TP73: variants seen among roughly 807,000 people sequenced by gnomAD.
TP73 encodes the protein p53-like transcription factor.
In TP73, 25 loss-of-function variants were observed where a neutral mutation model predicts 62.5. The ratio of observed to expected loss-of-function variants is 0.40; its 90% CI spans 0.29 to 0.56. The LOEUF is 0.56. TP73 is among the 20% of genes least tolerant of loss of function. The pLI is 0.46. For synonymous variants in TP73, 423 were observed against 377.5 expected, an observed-to-expected ratio of 1.12 and a Z score of -1.40; for missense variants, 754 against 913.3, an observed-to-expected ratio of 0.83 and a Z score of 2.25.
At chr1:3,723,305 GGGTGGGCACCTCTATGCACCTCT>G (rs1641250354) in intron 5 of TP73, 26 bp from the exon 6 acceptor site, 1 of 1,480,434 alleles carries the variant, frequency 6.8e-7, no homozygotes, top group Non-Finnish European at 9.4e-7. Context: ...CCTAGCACAG[GGGTGGGCACCTCTATGCACCTCT>G]CTGAAGTGTC....
intron 3 of TP73, among the ~76,000 whole-genome samples, chr1:3,693,256 A>G (rs1638232148): frequency 6.6e-6 from 1 of 152,170 alleles, no homozygotes; most frequent in Admixed American, 6.5e-5. Flanking sequence ...TGAGAGAGAA[A>G]GTGGTATTTG....
chr1:3,713,362 A>G (rs1161173348), intron 4 of TP73, among the ~76,000 whole-genome samples: 1 of 152,132 alleles, frequency 6.6e-6, no homozygotes. Flanking sequence ...CCTCACTGCC[A>G]CTAACTCCCG....
At chr1:3,729,504 C>CA in intron 10 of TP73, 56 bp downstream of exon 10, 1 of 1,609,100 alleles carries the variant, frequency 6.2e-7, no homozygotes, top group East Asian at 2.2e-5. Flanking sequence ...GCTTAACCCC[C>CA]CAGGAGAAGG....
rs1432741682 is a variant in TP73 at position 3,734,960 on chromosome 1, A to G, written c.*1881A>G. 1 of 152,170 alleles carries G rather than the reference A, an allele frequency of 6.6e-6. No homozygotes were observed. Among genetic ancestry groups the G allele is most frequent in the African/African-American group, 2.4e-5 (1 of 41,384 alleles). The allele number at this position is 152,170 out of a possible 1,614,324, so 9.4% of individuals were successfully genotyped here. ...CTGGCCGCTTAGCTTCTAGGGTTCC[A>G]TCTCCCTAGAAAGGTGCCCACGCCC... On this transcript the variant is annotated 3_prime_UTR_variant, in exon 14 of 14. Coordinates refer to ENST00000378295, the MANE Select transcript of TP73 (RefSeq NM_005427.4). The surrounding 1 kb of genome is among the most constrained non-coding windows in gnomAD (Gnocchi z 4.4).
chr1:3,695,521 ACCCCTGTGCTGAGGAG>A (rs1404937190), intron 3 of TP73, among the ~76,000 whole-genome samples: 4 of 152,072 alleles, frequency 2.6e-5, no homozygotes, highest in African/African-American at 9.7e-5. Context: ...GAACGTGGCC[ACCCCTGTGCTGAGGAG>A]CAGCACGGAC....
intron 12 of TP73, 80 bp downstream of exon 12, chr1:3,731,145 C>G: frequency 6.5e-7 from 1 of 1,536,536 alleles, no homozygotes. Flanking sequence ...GTCAGCTGCC[C>G]TGCCCCACCC....
At chr1:3,723,531 G>GCCCCCCC in intron 6 of TP73, 62 bp downstream of exon 6, 1 of 745,552 alleles carries the variant, frequency 1.3e-6, no homozygotes, top group Non-Finnish European at 2.4e-6. Context: ...CGGGGGAGGG[G>GCCCCCCC]TCCCCTGAGG....
Position 3,675,006 on chromosome 1 carries a change from GC to G in TP73, c.-33-7324del, listed in dbSNP as rs567898511. On this transcript the variant is annotated intron_variant, in intron 1 of 13. Coordinates refer to ENST00000378295, the MANE Select transcript of TP73 (RefSeq NM_005427.4). Reference sequence around the variant, plus strand: ...ATTGAGACGGTCTCCTCCCACAATGGCCCAGGTGTCTCCTCCCACAATGGCC... The same window carrying G: ...ATTGAGACGGTCTCCTCCCACAATGGCCAGGTGTCTCCTCCCACAATGGCC... 3.1e-3 allele frequency among the ~76,000 whole-genome samples: 463 copies of G among 151,632 alleles called. 3 individuals are homozygous for G. The highest frequency in any genetic ancestry group is 0.011 in the African/African-American group (439 of 41,310).
intron 4 of TP73, among the ~76,000 whole-genome samples, chr1:3,709,978 G>T (rs1639995166): frequency 6.6e-6 from 1 of 152,288 alleles, no homozygotes; most frequent in Admixed American, 6.5e-5. Flanking sequence ...CCCCCTGCCA[G>T]GTGTGTGGCA....
chr1:3,700,351 C>T (rs1464446628), intron 3 of TP73, among the ~76,000 whole-genome samples: 1 of 152,194 alleles, frequency 6.6e-6, no homozygotes, highest in Non-Finnish European at 1.5e-5. Context: ...CCCCTGTCAT[C>T]CGATGGCACG....
At chr1:3,671,844 G>A (rs1645247513) in intron 1 of TP73, among the ~76,000 whole-genome samples, 1 of 152,204 alleles carries the variant, frequency 6.6e-6, no homozygotes, top group Non-Finnish European at 1.5e-5. Flanking sequence ...GGAGTGAGGG[G>A]TGGGTGGACC....
At chr1:3,658,582 G>A (rs77569282) in intron 1 of TP73, among the ~76,000 whole-genome samples, 11,543 of 152,260 alleles carry the variant, frequency 0.076, 491 homozygotes, top group Non-Finnish European at 0.1. Context: ...GCGTCTTGGC[G>A]CGCGGCTCTC....
At position 3,684,884 on chromosome 1, in the gene TP73, G is replaced by A. The variant is rs535051934; in HGVS notation, c.186+1704G>A. The stretch of plus-strand genomic sequence containing the variant: ...GAAAGGGTGGGCTGGGGATGGGGCC[G>A]GGTAGTGCAAGAAAGTGAGACTGCA... On this transcript the variant is annotated intron_variant, in intron 3 of 13. Coordinates refer to ENST00000378295, the MANE Select transcript of TP73 (RefSeq NM_005427.4). Among the ~76,000 whole-genome samples, 11 of 152,222 alleles carry A rather than the reference G, an allele frequency of 7.2e-5. No individual in the cohort carries two copies. In the South Asian group the frequency reaches 8.3e-4, roughly 11 times the overall value.
intron 4 of TP73, among the ~76,000 whole-genome samples, chr1:3,719,913 T>TGTGTGTGTTC (rs1553144519): frequency 2.0e-5 from 3 of 151,216 alleles, no homozygotes; most frequent in African/African-American, 7.3e-5. Flanking sequence ...TGTGTGTGTG[T>TGTGTGTGTTC]GTGTGTGTGT....
chr1:3,728,325 G>A, intron 9 of TP73, 108 bp downstream of exon 9: 1 of 1,177,000 alleles, frequency 8.5e-7, no homozygotes, highest in Non-Finnish European at 1.2e-6. Context: ...GGTGGAGGGG[G>A]CGGGAGGAGC....
At chr1:3,710,112 C>T (rs899133392) in intron 4 of TP73, among the ~76,000 whole-genome samples, 4 of 140,238 alleles carry the variant, frequency 2.9e-5, no homozygotes, top group Admixed American at 7.7e-5. Context: ...GCTGCACCAG[C>T]GGGAGGGGAA....
intron 1 of TP73, among the ~76,000 whole-genome samples, chr1:3,676,677 C>T (rs1645379960): frequency 6.6e-6 from 1 of 151,988 alleles, no homozygotes; most frequent in South Asian, 2.1e-4. Flanking sequence ...TGGCTGGAGT[C>T]CCAGCTCCTC....
intron 3 of TP73, among the ~76,000 whole-genome samples, chr1:3,706,053 A>G (rs1009273584): frequency 2.6e-5 from 4 of 152,114 alleles, no homozygotes; most frequent in Admixed American, 6.5e-5. Context: ...GGGAGGGAAG[A>G]GTGTGCTCAC....
At chr1:3,673,056 T>C (rs1432616703) in intron 1 of TP73, among the ~76,000 whole-genome samples, 3 of 152,068 alleles carry the variant, frequency 2.0e-5, no homozygotes, top group Non-Finnish European at 4.4e-5. Flanking sequence ...TGGGCCAGGG[T>C]TATCTGTTTA....
Sources: gnomAD v4.1 joint callset for allele counts (sites outside exome capture counted in the v4.1 genomes callset) on GRCh38, gnomAD v4.1.1 for gene constraint, Gnocchi (gnomAD v3.1) non-coding constraint, MANE v1.5 for transcripts, NCBI Gene and HGNC (gene_info 2026-07-23, HGNC 2026-07-21) for gene names.